The following XRN1 variants were observed in gnomAD, a reference collection of about 807,000 sequenced individuals.
The protein encoded by XRN1 is 5'-3' exoribonuclease 1.
Under a neutral mutation model 222.3 loss-of-function variants are expected in XRN1, and 67 were observed. That is an observed-to-expected ratio of 0.30 (90% CI 0.25 to 0.37). The LOEUF (loss-of-function observed/expected upper bound fraction) is 0.37, where lower values mean the gene tolerates loss of function less well. Ranked by LOEUF, XRN1 falls within the 10% of genes least tolerant of loss-of-function variation. The pLI, the probability that XRN1 is intolerant of heterozygous loss-of-function variation, is 1.00. For synonymous variants in XRN1, 643 were observed against 652.4 expected (o/e 0.99, Z 0.22); for missense variants, 1,707 against 2,000.2 (o/e 0.85, Z 2.80).
intron 1 of XRN1, among the ~76,000 whole-genome samples, chr3:142,439,870 G>C (rs567727313): frequency 6.6e-6 from 1 of 152,142 alleles, no homozygotes. Context: ...AGTGCGGTCC[G>C]CAAGGACACT....
At chr3:142,434,585 A>T (rs1168538556) in intron 1 of XRN1, among the ~76,000 whole-genome samples, 1 of 150,714 alleles carries the variant, frequency 6.6e-6, no homozygotes, top group Non-Finnish European at 1.5e-5. Context: ...ATGCAATAAT[A>T]GCCAAGAAGA....
At chr3:142,433,507 T>C (rs940092881) in intron 1 of XRN1, among the ~76,000 whole-genome samples, 14 of 152,234 alleles carry the variant, frequency 9.2e-5, no homozygotes, top group Non-Finnish European at 1.6e-4. Flanking sequence ...CATCTGCTTT[T>C]ATAAGAAGAC....
intron 29 of XRN1, among the ~76,000 whole-genome samples, chr3:142,361,643 T>C (rs1337106562): frequency 6.6e-6 from 1 of 152,214 alleles, no homozygotes; most frequent in Non-Finnish European, 1.5e-5. Context: ...CTAGTCTGTA[T>C]GTGGTAATAT....
At chr3:142,424,138 C>T (rs1441310036) in intron 5 of XRN1, among the ~76,000 whole-genome samples, 1 of 152,056 alleles carries the variant, frequency 6.6e-6, no homozygotes, top group African/African-American at 2.4e-5. Flanking sequence ...CTCTGTTGCC[C>T]AGGCTGGAGC....
rs146026691 is a variant in XRN1 at position 142,373,725 on chromosome 3, T to C, written c.2978+2073A>G. On this transcript the variant is annotated intron_variant, in intron 25 of 40. Coordinates refer to ENST00000392981, the MANE Select transcript of XRN1 (RefSeq NM_001282857.2). ...AGGGAAGGCCAGGTGTTGTGGCTCA[T>C]ACCTGTAATCCCAGCACTTTGGGAG... Among the ~76,000 whole-genome samples, 1,483 of 152,236 alleles carry C rather than the reference T, an allele frequency of 9.7e-3. 23 individuals are homozygous for C. The highest frequency in any genetic ancestry group is 0.033 in the African/African-American group (1,385 of 41,546).
At chr3:142,369,433 G>C (rs1279245918) in intron 27 of XRN1, among the ~76,000 whole-genome samples, 1 of 151,734 alleles carries the variant, frequency 6.6e-6, no homozygotes, top group Non-Finnish European at 1.5e-5. Context: ...GATCACCTGA[G>C]GTCAGAAGTT....
At chr3:142,383,908 T>C (rs1023493678) in intron 21 of XRN1, among the ~76,000 whole-genome samples, 15 of 152,116 alleles carry the variant, frequency 9.9e-5, no homozygotes, top group Admixed American at 9.8e-4. Flanking sequence ...TTTTGAAGAA[T>C]AAAAATATAA....
chr3:142,326,138 T>C (rs2065508591), intron 37 of XRN1, among the ~76,000 whole-genome samples: 1 of 152,060 alleles, frequency 6.6e-6, no homozygotes, highest in Admixed American at 6.6e-5. Context: ...TCGTGTGCGG[T>C]TCAAGATAAA....
At chr3:142,362,956 G>A (rs1352504369) in intron 29 of XRN1, among the ~76,000 whole-genome samples, 2 of 151,558 alleles carry the variant, frequency 1.3e-5, no homozygotes, top group Admixed American at 1.3e-4. Flanking sequence ...AATTTTTTTA[G>A]TAAAGACAGA....
intron 27 of XRN1, among the ~76,000 whole-genome samples, chr3:142,365,805 A>G (rs56370391): frequency 0.13 from 19,902 of 152,190 alleles, 1,320 homozygotes; most frequent in African/African-American, 0.14. Flanking sequence ...TGGCCTTTAT[A>G]TAAATGCTAT....
chr3:142,439,661 A>G (rs2070104108), intron 1 of XRN1, among the ~76,000 whole-genome samples: 1 of 152,130 alleles, frequency 6.6e-6, no homozygotes, highest in African/African-American at 2.4e-5. Context: ...TTAGGCCCAG[A>G]GCAAAACTTA....
chr3:142,364,972 T>C (rs904038238), intron 29 of XRN1, 75 bp downstream of exon 29: 243 of 1,463,572 alleles, frequency 1.7e-4, no homozygotes, highest in Non-Finnish European at 2.0e-4. Context: ...TGGTTAGATA[T>C]AAAAAACAGA....
intron 8 of XRN1, among the ~76,000 whole-genome samples, chr3:142,421,800 T>A (rs1450074654): frequency 6.6e-6 from 1 of 152,200 alleles, no homozygotes; most frequent in Non-Finnish European, 1.5e-5. Context: ...AACAATTAAT[T>A]AAATTAAATA....
chr3:142,362,032 G>C (rs1307393695), intron 29 of XRN1, among the ~76,000 whole-genome samples: 6 of 129,622 alleles, frequency 4.6e-5, no homozygotes, highest in Non-Finnish European at 9.3e-5. Context: ...GCAGTGGTGT[G>C]ATCTCAGCTC....
chr3:142,422,436 C>T (rs2069074531), intron 8 of XRN1, 146 bp downstream of exon 8: 1 of 765,836 alleles, frequency 1.3e-6, no homozygotes. Context: ...ATGACAACCT[C>T]AGAGGTTAGC....
chr3:142,332,277 T>C, intron 36 of XRN1, 98 bp downstream of exon 36: 1 of 977,474 alleles, frequency 1.0e-6, no homozygotes, highest in South Asian at 1.9e-5. Flanking sequence ...TACATTAAAA[T>C]AAAAGCAGTT....
intron 2 of XRN1, among the ~76,000 whole-genome samples, chr3:142,431,967 AAT>A (rs1201843544): frequency 1.3e-5 from 1 of 78,170 alleles, no homozygotes; most frequent in Non-Finnish European, 2.4e-5. Context: ...TATATAATAT[AAT>A]ATATTGTATA....
intron 13 of XRN1, 120 bp downstream of exon 13, chr3:142,417,020 A>G: frequency 2.0e-6 from 1 of 512,476 alleles, no homozygotes; most frequent in Admixed American, 4.4e-5. Context: ...CAGAGTGAAA[A>G]AAAAAAAAAA....
intron 2 of XRN1, among the ~76,000 whole-genome samples, chr3:142,432,266 A>AT (rs2108165684): frequency 8.1e-6 from 1 of 122,746 alleles, no homozygotes; most frequent in African/African-American, 4.3e-5. Flanking sequence ...TATATATATA[A>AT]AAAATTAGCT....
Sources: allele counts gnomAD v4.1 joint callset (sites outside exome capture counted in the v4.1 genomes callset), GRCh38; gene constraint gnomAD v4.1.1; transcripts MANE v1.5; gene names NCBI Gene and HGNC (gene_info 2026-07-23, HGNC 2026-07-21).